Variants in GALK2 observed in about 807,000 individuals in gnomAD.
GALK2 encodes N-acetylgalactosamine kinase.
Under a neutral mutation model 52.4 loss-of-function variants are expected in GALK2, and 36 were observed. The ratio of observed to expected loss-of-function variants is 0.69; its 90% CI spans 0.53 to 0.91. GALK2 has a LOEUF of 0.91. Among genes scored for constraint, GALK2 ranks in the 40% least tolerant of loss-of-function variants. The probability of loss-of-function intolerance (pLI) is 0.00; values close to 1 mark genes in which losing one functional copy is unlikely to be tolerated. For missense variants in GALK2, 579 were observed against 559.1 expected, an observed-to-expected ratio of 1.04 and a Z score of -0.36; for synonymous variants, 176 against 199.1, an observed-to-expected ratio of 0.88 and a Z score of 0.98.
intron 4 of GALK2, among the ~76,000 whole-genome samples, chr15:49,236,302 G>T (rs185241900): frequency 1.3e-5 from 2 of 152,220 alleles, no homozygotes; most frequent in Admixed American, 1.3e-4. Flanking sequence ...AGTCAGCCCA[G>T]GTTTGAATCT....
intron 5 of GALK2, among the ~76,000 whole-genome samples, chr15:49,270,400 A>G (rs1431516289): frequency 6.6e-6 from 1 of 151,674 alleles, no homozygotes; most frequent in Non-Finnish European, 1.5e-5. Flanking sequence ...GGGGTGCTAA[A>G]TTCTGAAATG....
rs375041430 is a variant in GALK2, at chr15:49,328,574, T to C, written c.*415T>C. 17 of 1,603,388 alleles carry C rather than the reference T, an allele frequency of 1.1e-5. No individual in the cohort carries two copies. The highest frequency in any genetic ancestry group is 1.4e-5 in the Non-Finnish European group (17 of 1,172,898). ...AGTTCATTTCTGGTTTCTCTTAGTATTCTTCTTCCTCAAAGTTGTAGTTGT... is the reference window on the plus strand; with the variant it reads ...AGTTCATTTCTGGTTTCTCTTAGTACTCTTCTTCCTCAAAGTTGTAGTTGT... On this transcript the variant is annotated 3_prime_UTR_variant, in exon 10 of 10. Coordinates refer to ENST00000560031, the MANE Select transcript of GALK2 (RefSeq NM_002044.4).
intron 1 of GALK2, among the ~76,000 whole-genome samples, chr15:49,183,824 C>T (rs1338424885): frequency 2.4e-5 from 3 of 124,208 alleles, no homozygotes; most frequent in African/African-American, 8.8e-5. Flanking sequence ...GCCTGGGCAA[C>T]AAGAATGAAA....
At chr15:49,296,868 G>A (rs1173551415) in intron 8 of GALK2, among the ~76,000 whole-genome samples, 1 of 152,128 alleles carries the variant, frequency 6.6e-6, no homozygotes, top group Non-Finnish European at 1.5e-5. Flanking sequence ...CAAAGTGTTG[G>A]GATTACAGGC....
chr15:49,319,880 T>A (rs2036745654), intron 9 of GALK2, 75 bp downstream of exon 9: 1 of 1,270,716 alleles, frequency 7.9e-7, no homozygotes, highest in South Asian at 1.4e-5. Context: ...AATGCAACAT[T>A]TCATAATCTA....
chr15:49,319,523 T>C, intron 8 of GALK2, 81 bp from the exon 9 acceptor site: 1 of 1,117,618 alleles, frequency 8.9e-7, no homozygotes, highest in Non-Finnish European at 1.3e-6. Flanking sequence ...GAAATGAAAG[T>C]CTTTAAAAGT....
chr15:49,248,277 C>T (rs1485495424), intron 5 of GALK2, among the ~76,000 whole-genome samples: 9 of 152,088 alleles, frequency 5.9e-5, no homozygotes, highest in Non-Finnish European at 1.2e-4. Context: ...AATCAGAAAC[C>T]AATTTGCACT....
At chr15:49,201,918 A>G (rs956552272) in intron 2 of GALK2, among the ~76,000 whole-genome samples, 1 of 152,152 alleles carries the variant, frequency 6.6e-6, no homozygotes, top group Non-Finnish European at 1.5e-5. Flanking sequence ...TTTATCAACA[A>G]TAGAAGTTTA....
chr15:49,212,124 G>T (rs556477475), intron 2 of GALK2, among the ~76,000 whole-genome samples: 1 of 151,762 alleles, frequency 6.6e-6, no homozygotes, highest in East Asian at 1.9e-4. Context: ...ATGGAGTCTC[G>T]CTCTGTTGCC....
Position 49,200,353 on chromosome 15 carries a change from T to C in GALK2, c.54-809T>C, listed in dbSNP as rs531502069. Among the ~76,000 whole-genome samples, 5 of 152,206 alleles carry C rather than the reference T, an allele frequency of 3.3e-5. No homozygotes were observed. In the East Asian group the frequency reaches 9.6e-4, roughly 29 times the overall value. ...CCAGTCTAGTTTTCATTTGACTACATGTTCTGAGTTAGACAGTATAACCCC... is the reference window on the plus strand; with the variant it reads ...CCAGTCTAGTTTTCATTTGACTACACGTTCTGAGTTAGACAGTATAACCCC... On this transcript the variant is annotated intron_variant, in intron 1 of 9. Coordinates refer to ENST00000560031, the MANE Select transcript of GALK2 (RefSeq NM_002044.4).
At chr15:49,262,066 G>A (rs982545597) in intron 5 of GALK2, among the ~76,000 whole-genome samples, 17 of 152,172 alleles carry the variant, frequency 1.1e-4, no homozygotes, top group African/African-American at 3.6e-4. Context: ...TTGACATCAG[G>A]ATGATGCTGG....
chr15:49,254,560 T>C (rs2091735473), intron 5 of GALK2, among the ~76,000 whole-genome samples: 1 of 144,422 alleles, frequency 6.9e-6, no homozygotes. Flanking sequence ...CAAAATATTT[T>C]AATTCTCATC....
intron 1 of GALK2, chr15:49,161,744 A>G (rs1361964206): frequency 1.1e-5 from 2 of 188,352 alleles, no homozygotes; most frequent in African/African-American, 2.4e-5. Context: ...TTTGAGATGG[A>G]GTCTTGCTTT....
At chr15:49,313,753 A>G (rs1358008099) in intron 8 of GALK2, among the ~76,000 whole-genome samples, 2 of 152,214 alleles carry the variant, frequency 1.3e-5, no homozygotes, top group African/African-American at 4.8e-5. Flanking sequence ...CTAGATGACT[A>G]TCATACTCAG....
rs569926304 is a variant in GALK2, at chr15:49,360,094, TG to T, written c.427-7391del. Among the ~76,000 whole-genome samples, 564 of 63,318 alleles carry T rather than the reference TG, an allele frequency of 8.9e-3. 6 individuals carry two copies. The highest frequency in any genetic ancestry group is 0.035 in the African/African-American group (544 of 15,648). 41.5% of individuals were successfully genotyped at this position (63,318 alleles called of 152,430 possible). A position where few individuals can be genotyped will look rare whatever the true frequency, so the allele number is the denominator to read the frequency against. On this transcript the variant is annotated intron_variant, in intron 3 of 3. Transcript: ENST00000558399. ...TCACACTCTGGGGACTGTTGTGGGGTGGGGGGAGGGGGGAGGGATAGCATCA... is the reference window on the plus strand; with the variant it reads ...TCACACTCTGGGGACTGTTGTGGGGTGGGGGAGGGGGGAGGGATAGCATCA...
intron 3 of GALK2, among the ~76,000 whole-genome samples, chr15:49,230,586 C>T (rs1199390622): frequency 1.3e-5 from 2 of 152,202 alleles, no homozygotes; most frequent in Non-Finnish European, 2.9e-5. Context: ...CAGATGCCTA[C>T]AGGCATTCTT....
intron 5 of GALK2, among the ~76,000 whole-genome samples, chr15:49,252,024 G>A (rs1214520731): frequency 6.6e-6 from 1 of 152,040 alleles, no homozygotes; most frequent in East Asian, 1.9e-4. Flanking sequence ...CCAGCACTTT[G>A]GGAGGCAAAG....
chr15:49,190,012 C>CT (rs1311322154), intron 1 of GALK2, among the ~76,000 whole-genome samples: 1 of 151,996 alleles, frequency 6.6e-6, no homozygotes, highest in African/African-American at 2.4e-5. Context: ...CCTCTTTAAT[C>CT]TTTTTTATTG....
chr15:49,333,733 A>G (rs10851475), downstream of GALK2, among the ~76,000 whole-genome samples: 89,625 of 152,070 alleles, frequency 0.59, 26,815 homozygotes, highest in Non-Finnish European at 0.63. Flanking sequence ...TGAAGGGCTG[A>G]ACTTGTCTGA....
Sources: gnomAD v4.1 joint callset for allele counts (sites outside exome capture counted in the v4.1 genomes callset) on GRCh38, gnomAD v4.1.1 for gene constraint, MANE v1.5 for transcripts, NCBI Gene and HGNC (gene_info 2026-07-23, HGNC 2026-07-21) for gene names.